Variants in DLGAP2 observed in about 807,000 individuals in gnomAD.
DLGAP2 encodes disks large-associated protein 2.
Under a neutral mutation model 100.3 loss-of-function variants are expected in DLGAP2, and 26 were observed. That is an observed-to-expected ratio of 0.26 (90% confidence interval 0.19 to 0.36). The LOEUF is 0.36. DLGAP2 is among the 10% of genes least tolerant of loss of function. The probability of loss-of-function intolerance (pLI) is 1.00; values close to 1 mark genes in which losing one functional copy is unlikely to be tolerated. For missense variants in DLGAP2, 1,858 were observed against 1,453.2 expected (o/e 1.28, Z -4.53); for synonymous variants, 886 against 630.1 (o/e 1.41, Z -6.08).
chr8:1,322,710 C>T (rs888058046), intron 3 of DLGAP2, among the ~76,000 whole-genome samples: 4 of 152,262 alleles, frequency 2.6e-5, no homozygotes, highest in African/African-American at 7.2e-5. Flanking sequence ...ACATGTTGTT[C>T]CTTCAGCCTA....
chr8:1,231,278 C>A (rs967431303), intron 2 of DLGAP2, among the ~76,000 whole-genome samples: 1 of 152,066 alleles, frequency 6.6e-6, no homozygotes, highest in African/African-American at 2.4e-5. Flanking sequence ...TAAATCAAAC[C>A]ACAATGAGAT....
chr8:853,188 G>C (rs905172971), intron 1 of DLGAP2, among the ~76,000 whole-genome samples: 1 of 152,220 alleles, frequency 6.6e-6, no homozygotes, highest in Non-Finnish European at 1.5e-5. Context: ...ACAGCTGCAG[G>C]ACAGCTGTGA....
At chr8:1,616,434 C>T (rs940855891) in intron 6 of DLGAP2, among the ~76,000 whole-genome samples, 1 of 152,108 alleles carries the variant, frequency 6.6e-6, no homozygotes, top group Non-Finnish European at 1.5e-5. Flanking sequence ...AAAAATCATA[C>T]CTAGCCACAA....
chr8:1,578,268 C>G (rs986207618), intron 6 of DLGAP2, among the ~76,000 whole-genome samples: 24 of 152,172 alleles, frequency 1.6e-4, no homozygotes, highest in African/African-American at 5.8e-4. Flanking sequence ...CTTCTCTTCA[C>G]CTGAACAATA....
In DLGAP2 at chr8:1,519,977, G is replaced by A. The variant is rs563056965; in HGVS notation, c.172+18546G>A. Among the ~76,000 whole-genome samples the A allele has an allele frequency of 5.9e-5, 9 of 152,352 alleles. No homozygotes were observed. The East Asian group carries it at 1.5e-3, about 26-fold the overall frequency. On this transcript the variant is annotated intron_variant, in intron 4 of 14. Transcript: ENST00000637795. ...CCTCGGTTTCCAGTCTGCAGGAGGA[G>A]GAGGAGCTCCCAGCTGCTTCGCAGG...
At chr8:1,439,337 G>T (rs1797755688) in intron 3 of DLGAP2, among the ~76,000 whole-genome samples, 1 of 152,188 alleles carries the variant, frequency 6.6e-6, no homozygotes. Flanking sequence ...CGCTGTCTGT[G>T]GGAGCTAGAG....
At chr8:1,482,027 G>A (rs1280089323) in intron 3 of DLGAP2, among the ~76,000 whole-genome samples, 1 of 152,218 alleles carries the variant, frequency 6.6e-6, no homozygotes, top group African/African-American at 2.4e-5. Context: ...TTCCTCGGGG[G>A]AAAGTTGGTG....
intron 2 of DLGAP2, among the ~76,000 whole-genome samples, chr8:1,028,770 C>G (rs1000866952): frequency 2.0e-5 from 3 of 152,160 alleles, no homozygotes; most frequent in African/African-American, 7.2e-5. Flanking sequence ...CAGTGAGAAT[C>G]CCTTGGGATT....
In DLGAP2 at chr8:1,002,370, C is replaced by T. The variant is rs925063765; in HGVS notation, c.73+94404C>T. ...TTTAACTTGTTTAACTAGATGCATG[C>T]TGCAAAAACTGTTTTCAAGAAATGA... On this transcript the variant is annotated intron_variant, in intron 2 of 14. Coordinates refer to ENST00000637795, the MANE Select transcript of DLGAP2 (RefSeq NM_001346810.2). 5.3e-5 allele frequency: 8 copies of T among 152,166 alleles called. 1 individual carries two copies. The highest frequency in any genetic ancestry group is 1.9e-4 in the African/African-American group (8 of 41,450). The allele number at this position is 152,166 out of a possible 1,614,324, so 9.4% of individuals were successfully genotyped here. A position where few individuals can be genotyped will look rare whatever the true frequency, so the allele number is the denominator to read the frequency against.
intron 3 of DLGAP2, among the ~76,000 whole-genome samples, chr8:1,288,841 G>T (rs1799997621): frequency 6.6e-6 from 1 of 152,098 alleles, no homozygotes; most frequent in African/African-American, 2.4e-5. Context: ...ACATGGTTCT[G>T]TTAGGTTCTA....
intron 1 of DLGAP2, among the ~76,000 whole-genome samples, chr8:873,801 A>G (rs1162194620): frequency 6.6e-6 from 1 of 152,146 alleles, no homozygotes; most frequent in Non-Finnish European, 1.5e-5. Flanking sequence ...TGGCTTAGTT[A>G]AGGTTTGTTT....
At chr8:1,370,186 G>A (rs1279392312) in intron 3 of DLGAP2, among the ~76,000 whole-genome samples, 2 of 152,072 alleles carry the variant, frequency 1.3e-5, no homozygotes, top group Non-Finnish European at 2.9e-5. Flanking sequence ...CTCTCTCAGT[G>A]TCCTCAGCAC....
At position 1,447,167 on chromosome 8, in the gene DLGAP2, T is replaced by C. The variant is rs551596631; in HGVS notation, c.107-54199T>C. Among the ~76,000 whole-genome samples the C allele has an allele frequency of 2.6e-5, 4 of 152,352 alleles. No individual in the cohort carries two copies. In the South Asian group the frequency reaches 8.3e-4, roughly 32 times the overall value. On this transcript the variant is annotated intron_variant, in intron 3 of 14. Coordinates refer to ENST00000637795, the MANE Select transcript of DLGAP2 (RefSeq NM_001346810.2). ...GGTGAGAGAGGGCATCCCTGTCTTG[T>C]GCCAGTTTTCAAAGAGAATGTTTCC...
Position 1,682,226 on chromosome 8 carries a change from C to T in DLGAP2, c.2704+3597C>T, listed in dbSNP as rs572668196. Among the ~76,000 whole-genome samples the T allele has an allele frequency of 5.9e-5, 9 of 152,298 alleles. No individual in the cohort carries two copies. The East Asian group carries it at 7.7e-4, about 13-fold the overall frequency. On this transcript the variant is annotated intron_variant, in intron 12 of 14. Coordinates refer to ENST00000637795, the MANE Select transcript of DLGAP2 (RefSeq NM_001346810.2). ...CTGCGAAGACAGAGGCCAAGGTTCT[C>T]CCGCGTTAGCCATTGGAAAATAAGT...
At chr8:1,155,278 C>A (rs1796760695) in intron 2 of DLGAP2, among the ~76,000 whole-genome samples, 1 of 152,194 alleles carries the variant, frequency 6.6e-6, no homozygotes, top group East Asian at 1.9e-4. Flanking sequence ...TGCACTCCGT[C>A]TTCCCGGAGG....
intron 3 of DLGAP2, among the ~76,000 whole-genome samples, chr8:1,417,687 A>ACGGGGAGGCCTCACTCAGCGAGGCTC (rs1563134221): frequency 7.3e-6 from 1 of 136,882 alleles, no homozygotes; most frequent in African/African-American, 2.7e-5. Context: ...CCAGGGGGGC[A>ACGGGGAGGCCTCACTCAGCGAGGCTC]CAGGGGGCCC....
chr8:1,342,274 T>C (rs1392305245), intron 3 of DLGAP2, among the ~76,000 whole-genome samples: 1 of 152,172 alleles, frequency 6.6e-6, no homozygotes, highest in Non-Finnish European at 1.5e-5. Context: ...GTGACTTGTT[T>C]CAGGCAGAGA....
intron 3 of DLGAP2, among the ~76,000 whole-genome samples, chr8:1,415,066 C>G (rs1008279334): frequency 9.9e-5 from 15 of 152,176 alleles, no homozygotes; most frequent in African/African-American, 3.6e-4. Flanking sequence ...TTATACTTGT[C>G]CAGCCTTTGG....
At chr8:1,685,222 G>C (rs1799084042) in intron 12 of DLGAP2, among the ~76,000 whole-genome samples, 1 of 152,204 alleles carries the variant, frequency 6.6e-6, no homozygotes, top group African/African-American at 2.4e-5. Flanking sequence ...GAGACTCTGA[G>C]AATGAGCAGA....
Sources: allele counts gnomAD v4.1 joint callset (sites outside exome capture counted in the v4.1 genomes callset), GRCh38; gene constraint gnomAD v4.1.1; transcripts MANE v1.5; gene names NCBI Gene and HGNC (gene_info 2026-07-23, HGNC 2026-07-21).